SATB2: variants seen among roughly 807,000 people sequenced by gnomAD.
The protein encoded by SATB2 is DNA-binding protein SATB2.
A neutral mutation model predicts 73.4 loss-of-function variants in SATB2; 1 was observed. That is an observed-to-expected ratio of 0.01 (90% confidence interval 0.00 to 0.06). SATB2 has a LOEUF of 0.06. SATB2 is among the 10% of genes least tolerant of loss of function. The probability of loss-of-function intolerance (pLI) is 1.00; values close to 1 mark genes in which losing one functional copy is unlikely to be tolerated. For synonymous variants in SATB2, 397 were observed against 367.0 expected, an observed-to-expected ratio of 1.08 and a Z score of -0.93; for missense variants, 459 against 945.8, an observed-to-expected ratio of 0.49 and a Z score of 6.75.
chr2:199,413,822 G>T (rs1690893250), intron 3 of SATB2, among the ~76,000 whole-genome samples: 1 of 152,102 alleles, frequency 6.6e-6, no homozygotes, highest in African/African-American at 2.4e-5. Context: ...AGAGATGCCA[G>T]AAGATAGCCA....
intron 5 of SATB2, among the ~76,000 whole-genome samples, chr2:199,379,318 T>A (rs1238287374): frequency 2.0e-5 from 3 of 152,196 alleles, no homozygotes; most frequent in Non-Finnish European, 4.4e-5. Context: ...CTTTTCCTCA[T>A]GATGCATTTT....
upstream of SATB2, among the ~76,000 whole-genome samples, chr2:199,466,212 C>T (rs1246509941): frequency 6.6e-6 from 1 of 152,218 alleles, no homozygotes. Flanking sequence ...TACCACACAC[C>T]TAACCTCTTC....
upstream of SATB2, among the ~76,000 whole-genome samples, chr2:199,459,319 CCCGCGG>C (rs982225901): frequency 1.3e-5 from 2 of 152,002 alleles, no homozygotes; most frequent in Non-Finnish European, 2.9e-5. The surrounding 1 kb of genome is among the most constrained non-coding windows in gnomAD (Gnocchi z 4.2). Context: ...TTTGCCGACT[CCCGCGG>C]CCGCGGCCGC....
intron 5 of SATB2, among the ~76,000 whole-genome samples, chr2:199,370,958 A>AAAAAAAAAAAAAAC: frequency 6.6e-6 from 1 of 151,856 alleles, no homozygotes; most frequent in African/African-American, 2.4e-5. Flanking sequence ...AAAAAAAAAA[A>AAAAAAAAAAAAAAC]AAAAAAAAAG....
At chr2:199,452,094 T>A (rs1559063536) in intron 2 of SATB2, among the ~76,000 whole-genome samples, 5 of 152,148 alleles carry the variant, frequency 3.3e-5, no homozygotes, top group Admixed American at 1.3e-4. Context: ...CCCTAAAATG[T>A]AGAACATTTA....
chr2:199,284,303 T>C (rs1390364316), intron 10 of SATB2, among the ~76,000 whole-genome samples: 2 of 152,148 alleles, frequency 1.3e-5, no homozygotes, highest in African/African-American at 2.4e-5. Flanking sequence ...ATTTTCCAAA[T>C]GCATGCATGA....
At chr2:199,356,474 C>T (rs1436367795) in intron 6 of SATB2, among the ~76,000 whole-genome samples, 1 of 152,084 alleles carries the variant, frequency 6.6e-6, no homozygotes, top group Non-Finnish European at 1.5e-5. Context: ...ACCTCCTCTC[C>T]AGGTTCTCTG....
intron 7 of SATB2, among the ~76,000 whole-genome samples, chr2:199,330,671 A>G (rs1688163775): frequency 6.6e-6 from 1 of 152,222 alleles, no homozygotes; most frequent in South Asian, 2.1e-4. Context: ...AGTTCTGCCT[A>G]AAGCTATCCT....
chr2:199,372,748 C>CA (rs1405109401), intron 5 of SATB2, among the ~76,000 whole-genome samples: 1 of 151,976 alleles, frequency 6.6e-6, no homozygotes, highest in Non-Finnish European at 1.5e-5. Context: ...TTAGACAAAA[C>CA]AAAAAACAAG....
In SATB2 at chr2:199,328,923, G is replaced by T; in HGVS notation, c.1174-13C>A. On this transcript the variant is annotated splice_polypyrimidine_tract_variant and intron_variant, in intron 7 of 10. Coordinates refer to ENST00000417098, the MANE Select transcript of SATB2 (RefSeq NM_001172509.2). ...CAGACAACAATCCCTGATTAAATGG[G>T]GGAAAAAAACAGACCAAGTCACATT... 6 of 1,606,344 alleles carry T rather than the reference G, an allele frequency of 3.7e-6. No individual in the cohort carries two copies. The Middle Eastern group carries it at 5.0e-4, about 133-fold the overall frequency.
chr2:199,346,423 T>C (rs149304583), intron 7 of SATB2, among the ~76,000 whole-genome samples: 1,752 of 152,244 alleles, frequency 0.012, 38 homozygotes, highest in African/African-American at 0.039. Flanking sequence ...GCAGGGATTA[T>C]AGGCGTGAGC....
chr2:199,443,713 C>T (rs1191896113), intron 2 of SATB2, among the ~76,000 whole-genome samples: 1 of 152,138 alleles, frequency 6.6e-6, no homozygotes, highest in Non-Finnish European at 1.5e-5. Context: ...ACTACCACCA[C>T]CATTTCTCAG....
intron 2 of SATB2, among the ~76,000 whole-genome samples, chr2:199,454,399 C>G (rs940194740): frequency 6.6e-6 from 1 of 152,084 alleles, no homozygotes; most frequent in Non-Finnish European, 1.5e-5. Flanking sequence ...ATAATTGGTA[C>G]CATCATACTC....
At chr2:199,339,809 C>T (rs933668102) in intron 7 of SATB2, among the ~76,000 whole-genome samples, 5 of 152,160 alleles carry the variant, frequency 3.3e-5, no homozygotes, top group African/African-American at 1.2e-4. Context: ...ATATGTATAA[C>T]TCAAACAAAG....
At chr2:199,294,673 G>C (rs1038346017) in intron 10 of SATB2, among the ~76,000 whole-genome samples, 1 of 152,032 alleles carries the variant, frequency 6.6e-6, no homozygotes, top group African/African-American at 2.4e-5. Flanking sequence ...CCACACTTTT[G>C]AGTACAACTA....
Position 199,463,511 on chromosome 2 carries a change from G to A in SATB2, c.-141+1325C>T, listed in dbSNP as rs1388276625. Among the ~76,000 whole-genome samples, 6 of 152,276 alleles carry A rather than the reference G, an allele frequency of 3.9e-5. No homozygotes were observed. In the East Asian group the frequency reaches 1.2e-3, roughly 30 times the overall value. ...TTGGCGTCAATGTCCCGCCACCCTC[G>A]AGCCCGGGTCACTGCCCGGGTCCCG... is the stretch of plus-strand genomic sequence containing the variant. On this transcript the variant is annotated intron_variant, in intron 1 of 11. Transcript: ENST00000260926. This position sits in a 1 kb window ranked among gnomAD's most constrained non-coding sequence, Gnocchi z 6.4.
At chr2:199,465,622 C>A (rs1376786227), upstream of SATB2, among the ~76,000 whole-genome samples, 1 of 152,196 alleles carries the variant, frequency 6.6e-6, no homozygotes, top group Admixed American at 6.5e-5. Flanking sequence ...CTGCAAATAA[C>A]CCATTTGTTA....
chr2:199,358,815 C>T (rs901781835), intron 6 of SATB2, among the ~76,000 whole-genome samples: 3 of 152,076 alleles, frequency 2.0e-5, no homozygotes, highest in Admixed American at 1.3e-4. Context: ...GCTCCTAGGA[C>T]CCATTATGTT....
At chr2:199,382,060 T>A in intron 3 of SATB2, among the ~76,000 whole-genome samples, 1 of 152,206 alleles carries the variant, frequency 6.6e-6, no homozygotes, top group East Asian at 1.9e-4. Context: ...TATGTTTTCC[T>A]GTTTCTTAAA....
Sources: gnomAD v4.1 joint callset for allele counts (sites outside exome capture counted in the v4.1 genomes callset) on GRCh38, gnomAD v4.1.1 for gene constraint, Gnocchi (gnomAD v3.1) non-coding constraint, MANE v1.5 for transcripts, NCBI Gene and HGNC (gene_info 2026-07-23, HGNC 2026-07-21) for gene names.